ENAH: variants seen among roughly 807,000 people sequenced by gnomAD.
ENAH encodes protein enabled homolog.
ENAH carries 23 observed loss-of-function variants against 78.7 expected under a neutral mutation model. The ratio of observed to expected loss-of-function variants is 0.29; its 90% CI spans 0.21 to 0.41. The LOEUF is 0.41. Ranked by LOEUF, ENAH falls within the 10% of genes least tolerant of loss-of-function variation. The pLI is 1.00. For synonymous variants in ENAH, 226 were observed against 241.0 expected (o/e 0.94, Z 0.58); for missense variants, 544 against 691.0 (o/e 0.79, Z 2.39).
rs1475569137 is a variant in ENAH, at chr1:225,496,272, C to T, written c.*1503G>A. 6.6e-6 allele frequency: 1 copy of T among 152,288 alleles called. No individual in the cohort carries two copies. The highest frequency in any genetic ancestry group is 2.4e-5 in the African/African-American group (1 of 41,456). The allele number at this position is 152,288 out of a possible 1,614,324, so 9.4% of individuals were successfully genotyped here. A position where few individuals can be genotyped will look rare whatever the true frequency, so the allele number is the denominator to read the frequency against. On this transcript the variant is annotated 3_prime_UTR_variant, in exon 14 of 14. Transcript: ENST00000366843. ...GGGAGTGGCTTCCATATAGACAGCA[C>T]GTGCGCGAGAGCACACACACGCAGA... is the stretch of plus-strand genomic sequence containing the variant.
At chr1:225,536,632 TA>T (rs1249186639) in intron 3 of ENAH, among the ~76,000 whole-genome samples, 1 of 152,042 alleles carries the variant, frequency 6.6e-6, no homozygotes, top group Non-Finnish European at 1.5e-5. Flanking sequence ...TCATGCTAAC[TA>T]AAAGTTTTAG....
chr1:225,611,112 G>T (rs1161034012), intron 1 of ENAH, among the ~76,000 whole-genome samples: 1 of 152,088 alleles, frequency 6.6e-6, no homozygotes, highest in Non-Finnish European at 1.5e-5. Context: ...TAAAGTGATG[G>T]TTACACATGT....
chr1:225,528,574 A>G (rs2096522670), intron 4 of ENAH, among the ~76,000 whole-genome samples: 8 of 152,170 alleles, frequency 5.3e-5, no homozygotes, highest in Admixed American at 5.2e-4. Context: ...AATCTTCCCC[A>G]AAATTCTACT....
intron 1 of ENAH, among the ~76,000 whole-genome samples, chr1:225,618,471 G>T (rs1257481473): frequency 6.6e-6 from 1 of 152,008 alleles, no homozygotes; most frequent in Middle Eastern, 3.2e-3. Flanking sequence ...ACCTCTCCAA[G>T]ATAGTACAGC....
chr1:225,639,745 A>ACACAC (rs1558949307), intron 1 of ENAH, among the ~76,000 whole-genome samples: 116 of 101,208 alleles, frequency 1.1e-3, no homozygotes, highest in African/African-American at 7.3e-3. Flanking sequence ...CACACACACA[A>ACACAC]GAAGGATGGT....
chr1:225,542,027 C>A (rs955482457), intron 3 of ENAH, among the ~76,000 whole-genome samples: 7 of 152,232 alleles, frequency 4.6e-5, no homozygotes, highest in South Asian at 2.1e-4. Context: ...ACTACAGGTG[C>A]ATACCACCAC....
intron 1 of ENAH, among the ~76,000 whole-genome samples, chr1:225,626,679 C>T (rs957174746): frequency 2.0e-5 from 3 of 152,234 alleles, no homozygotes; most frequent in African/African-American, 7.2e-5. Context: ...GTTATAGCAG[C>T]AAGAACAGAC....
intron 3 of ENAH, 143 bp from the exon 4 acceptor site, chr1:225,530,781 T>A: frequency 1.6e-6 from 1 of 634,996 alleles, no homozygotes; most frequent in Non-Finnish European, 2.7e-6. Flanking sequence ...ATATAAGCTT[T>A]ACATAACACA....
chr1:225,503,856 C>T (rs758037371), intron 11 of ENAH, among the ~76,000 whole-genome samples: 1 of 152,026 alleles, frequency 6.6e-6, no homozygotes, highest in Admixed American at 6.6e-5. Context: ...CCACTATGAA[C>T]ACCACTTAAT....
intron 6 of ENAH, among the ~76,000 whole-genome samples, chr1:225,516,485 ATCTC>A (rs973771262): frequency 1.1e-4 from 17 of 152,148 alleles, no homozygotes; most frequent in Non-Finnish European, 5.9e-5. Context: ...CACTAAATAT[ATCTC>A]TCTAAGTCTC....
intron 1 of ENAH, among the ~76,000 whole-genome samples, chr1:225,637,553 C>A (rs1211786589): frequency 6.6e-6 from 1 of 151,990 alleles, no homozygotes; most frequent in Non-Finnish European, 1.5e-5. Flanking sequence ...CACACGGGAA[C>A]CACACATTAT....
Position 225,487,885 on chromosome 1 carries a change from A to AT in ENAH, c.*9889dup, listed in dbSNP as rs959035274. ...TGGACCATAAGAAATTCACTTTTAA[A>AT]TTTTTTCTACTGTGCTGTTCTACTA... is the stretch of plus-strand genomic sequence containing the variant. On this transcript the variant is annotated 3_prime_UTR_variant, in exon 14 of 14. Coordinates refer to ENST00000366843, the MANE Select transcript of ENAH (RefSeq NM_018212.6). The AT allele has an allele frequency of 6.6e-6, 1 of 152,064 alleles. No individual in the cohort carries two copies. Among genetic ancestry groups the AT allele is most frequent in the Admixed American group, 6.6e-5 (1 of 15,262 alleles). The allele number at this position is 152,064 out of a possible 1,614,324, so 9.4% of individuals were successfully genotyped here.
intron 1 of ENAH, among the ~76,000 whole-genome samples, chr1:225,597,133 A>G (rs1470886880): frequency 6.6e-6 from 1 of 152,192 alleles, no homozygotes; most frequent in Non-Finnish European, 1.5e-5. Context: ...AAAATAGCCT[A>G]TTATTTATGT....
chr1:225,562,571 C>CAAAAAAAAAAA (rs869309795), intron 2 of ENAH, among the ~76,000 whole-genome samples: 2 of 38,098 alleles, frequency 5.2e-5, no homozygotes, highest in African/African-American at 2.0e-4. Flanking sequence ...GACTGCGTCT[C>CAAAAAAAAAAA]AAAAAAAAAA....
intron 2 of ENAH, among the ~76,000 whole-genome samples, chr1:225,563,209 TTA>T (rs2096717300): frequency 6.6e-6 from 1 of 152,226 alleles, no homozygotes; most frequent in South Asian, 2.1e-4. Context: ...TGGGAGATTT[TTA>T]TGCAGACAAT....
At chr1:225,504,871 C>G in intron 11 of ENAH, 1 of 574,962 alleles carries the variant, frequency 1.7e-6, no homozygotes, top group Non-Finnish European at 2.9e-6. Context: ...AAAAGGTATT[C>G]AAAATAAAGA....
chr1:225,640,442 A>G (rs1660827425), intron 1 of ENAH, among the ~76,000 whole-genome samples: 1 of 152,254 alleles, frequency 6.6e-6, no homozygotes, highest in Non-Finnish European at 1.5e-5. Flanking sequence ...TTCAGAAAGT[A>G]AAGACCCCCT....
chr1:225,608,667 T>C (rs1575703664), intron 1 of ENAH, among the ~76,000 whole-genome samples: 1 of 151,296 alleles, frequency 6.6e-6, no homozygotes, highest in East Asian at 1.9e-4. Context: ...AATACAAAAA[T>C]TGGCCAGGTG....
intron 1 of ENAH, among the ~76,000 whole-genome samples, chr1:225,613,773 C>A (rs1308755875): frequency 2.0e-5 from 3 of 152,184 alleles, no homozygotes; most frequent in Non-Finnish European, 2.9e-5. Context: ...TACTCTCACA[C>A]AACACACTCC....
Sources: allele counts gnomAD v4.1 joint callset (sites outside exome capture counted in the v4.1 genomes callset), GRCh38; gene constraint gnomAD v4.1.1; transcripts MANE v1.5; gene names NCBI Gene and HGNC (gene_info 2026-07-23, HGNC 2026-07-21).